Variants in FYN observed in about 807,000 individuals in gnomAD.
The protein encoded by FYN is FYN proto-oncogene, Src family tyrosine kinase.
FYN carries 10 observed loss-of-function variants against 70.2 expected under a neutral mutation model. The observed-to-expected ratio is 0.14, with a 90% CI of 0.09 to 0.24. FYN has a LOEUF of 0.24. Ranked by LOEUF, FYN falls within the 10% of genes least tolerant of loss-of-function variation. The probability of loss-of-function intolerance (pLI) is 1.00; values close to 1 mark genes in which losing one functional copy is unlikely to be tolerated. For missense variants in FYN, 319 were observed against 673.1 expected, an observed-to-expected ratio of 0.47 and a Z score of 5.82; for synonymous variants, 236 against 248.6, an observed-to-expected ratio of 0.95 and a Z score of 0.48.
chr6:111,693,644 G>A (rs1799447760), intron 12 of FYN, among the ~76,000 whole-genome samples: 1 of 152,066 alleles, frequency 6.6e-6, no homozygotes, highest in African/African-American at 2.4e-5. Context: ...TGGGATGGCG[G>A]GGATGATGAA....
intron 3 of FYN, among the ~76,000 whole-genome samples, chr6:111,737,549 G>A (rs531629738): frequency 1.2e-4 from 19 of 152,328 alleles, no homozygotes; most frequent in Admixed American, 6.5e-4. Context: ...GGCGTGGAGC[G>A]TCCACGGCTT....
At chr6:111,762,698 G>A (rs951832568) in intron 3 of FYN, among the ~76,000 whole-genome samples, 1 of 152,028 alleles carries the variant, frequency 6.6e-6, no homozygotes, top group South Asian at 2.1e-4. Flanking sequence ...GGGGAAGTCT[G>A]CATGCAGGGG....
intron 3 of FYN, among the ~76,000 whole-genome samples, chr6:111,778,722 C>T (rs1461079789): frequency 6.6e-6 from 1 of 152,046 alleles, no homozygotes; most frequent in Non-Finnish European, 1.5e-5. Flanking sequence ...TCTCGATCTC[C>T]TGACCCTGTG....
intron 9 of FYN, among the ~76,000 whole-genome samples, chr6:111,698,485 G>A (rs1040205688): frequency 5.3e-5 from 8 of 152,144 alleles, no homozygotes; most frequent in African/African-American, 1.9e-4. Flanking sequence ...ATACCCACAC[G>A]TAGCAAAGGG....
intron 3 of FYN, among the ~76,000 whole-genome samples, chr6:111,774,169 A>G (rs1029290543): frequency 2.6e-5 from 4 of 152,186 alleles, no homozygotes; most frequent in African/African-American, 9.7e-5. Context: ...GGGGTTTTAG[A>G]GAGCCTGTTT....
At chr6:111,722,083 C>CA (rs549522639) in intron 3 of FYN, among the ~76,000 whole-genome samples, 127 of 152,312 alleles carry the variant, frequency 8.3e-4, no homozygotes, top group African/African-American at 3.0e-3. Context: ...CCTGGGCACT[C>CA]TTCTGAGCAC....
intron 3 of FYN, among the ~76,000 whole-genome samples, chr6:111,747,529 G>A (rs1199112069): frequency 6.6e-6 from 1 of 152,226 alleles, no homozygotes; most frequent in Non-Finnish European, 1.5e-5. Flanking sequence ...AACGTGTTCT[G>A]ATGACTTGAA....
chr6:111,792,947 C>T (rs1376498043), intron 2 of FYN, among the ~76,000 whole-genome samples: 2 of 152,106 alleles, frequency 1.3e-5, no homozygotes, highest in Non-Finnish European at 2.9e-5. Context: ...TCCACCTGGC[C>T]GCTGGTTACA....
At chr6:111,680,804 T>A (rs1283926929) in intron 12 of FYN, among the ~76,000 whole-genome samples, 1 of 152,180 alleles carries the variant, frequency 6.6e-6, no homozygotes, top group African/African-American at 2.4e-5. Flanking sequence ...CAGTAAAACT[T>A]AGCATATTCC....
chr6:111,861,249 C>G lies in FYN; in HGVS notation c.-123+11719G>C, dbSNP rs9374298. ...CAAGGCAAATTAAACAAGGTTCACTCTCAGCCTTCTAGAAACTTGCTACTG... is the reference window on the plus strand; with the variant it reads ...CAAGGCAAATTAAACAAGGTTCACTGTCAGCCTTCTAGAAACTTGCTACTG... On this transcript the variant is annotated intron_variant, in intron 1 of 13. Coordinates refer to ENST00000354650, the MANE Select transcript of FYN (RefSeq NM_002037.5). Among the ~76,000 whole-genome samples the G allele has an allele frequency of 6.4e-4, 97 of 152,362 alleles. No homozygotes were observed. The East Asian group carries it at 0.018, about 29-fold the overall frequency.
At chr6:111,837,834 AAACCATCT>A (rs1773236588) in intron 2 of FYN, among the ~76,000 whole-genome samples, 1 of 152,164 alleles carries the variant, frequency 6.6e-6, no homozygotes, top group Non-Finnish European at 1.5e-5. Context: ...TTCCACCCTG[AAACCATCT>A]CACTTTCTCA....
intron 3 of FYN, among the ~76,000 whole-genome samples, chr6:111,773,836 T>C (rs1803599220): frequency 6.6e-6 from 1 of 152,224 alleles, no homozygotes; most frequent in African/African-American, 2.4e-5. Context: ...TAAATTTCAT[T>C]GTGTGCTCAT....
At chr6:111,698,569 A>C (rs1799682192) in intron 9 of FYN, among the ~76,000 whole-genome samples, 1 of 152,148 alleles carries the variant, frequency 6.6e-6, no homozygotes, top group African/African-American at 2.4e-5. Context: ...ATATTGTTTT[A>C]CTGAAACATG....
intron 3 of FYN, among the ~76,000 whole-genome samples, chr6:111,734,086 CAAACAAACAAA>C (rs1468024868): frequency 6.6e-6 from 1 of 152,028 alleles, no homozygotes; most frequent in Admixed American, 6.6e-5. Flanking sequence ...GACCCTGTCT[CAAACAAACAAA>C]AAACAAACAA....
In FYN at chr6:111,873,288, G is replaced by T. The variant is rs1202627695; in HGVS notation, c.-443C>A. ...CAACAACCTCGCCTCTACTCTCGCC[G>T]CCGGGCGGCGGGCGGGTCTCGAAGG... On this transcript the variant is annotated 5_prime_UTR_variant, in exon 1 of 14. Coordinates refer to ENST00000354650, the MANE Select transcript of FYN (RefSeq NM_002037.5). 1.3e-5 allele frequency: 2 copies of T among 150,520 alleles called. No individual in the cohort carries two copies. The highest frequency in any genetic ancestry group is 3.0e-5 in the Non-Finnish European group (2 of 67,444). The allele number at this position is 150,520 out of a possible 1,614,324, so 9.3% of individuals were successfully genotyped here.
chr6:111,689,116 AT>A (rs751634121), intron 12 of FYN, among the ~76,000 whole-genome samples: 1 of 152,214 alleles, frequency 6.6e-6, no homozygotes, highest in Non-Finnish European at 1.5e-5. Flanking sequence ...ACTTTTATAG[AT>A]AGCCCATGTA....
intron 3 of FYN, among the ~76,000 whole-genome samples, chr6:111,732,281 AATACAATGTTTTTTT>A (rs149070946): frequency 0.011 from 1,705 of 152,268 alleles, 24 homozygotes; most frequent in African/African-American, 0.037. Context: ...TGAGGTAGAG[AATACAATGTTTTTTT>A]ATACTGTTGT....
At chr6:111,714,716 GA>G (rs1195707167) in intron 4 of FYN, among the ~76,000 whole-genome samples, 1 of 152,206 alleles carries the variant, frequency 6.6e-6, no homozygotes, top group Non-Finnish European at 1.5e-5. Context: ...GAGGAGCAGG[GA>G]AATATTAAAA....
intron 2 of FYN, among the ~76,000 whole-genome samples, chr6:111,787,743 T>C (rs772914013): frequency 1.3e-5 from 2 of 152,218 alleles, no homozygotes; most frequent in Admixed American, 6.5e-5. Context: ...TATCCTTGTA[T>C]ATAAAATGAA....
Sources: gnomAD v4.1 joint callset for allele counts (sites outside exome capture counted in the v4.1 genomes callset) on GRCh38, gnomAD v4.1.1 for gene constraint, MANE v1.5 for transcripts, NCBI Gene and HGNC (gene_info 2026-07-23, HGNC 2026-07-21) for gene names.